Variants in ENOX1 observed in about 807,000 individuals in gnomAD.
The protein encoded by ENOX1 is ecto-NOX disulfide-thiol exchanger 1.
A neutral mutation model predicts 82.5 loss-of-function variants in ENOX1; 42 were observed. That is an observed-to-expected ratio of 0.51 (90% CI 0.40 to 0.66). The LOEUF (loss-of-function observed/expected upper bound fraction) is 0.66. ENOX1 is among the 30% of genes least tolerant of loss of function. ENOX1 has a pLI of 0.00. For missense variants in ENOX1, 608 were observed against 811.6 expected (o/e 0.75, Z 3.05); for synonymous variants, 271 against 282.2 (o/e 0.96, Z 0.40).
At chr13:43,432,355 A>C (rs888822730) in intron 3 of ENOX1, among the ~76,000 whole-genome samples, 5 of 152,208 alleles carry the variant, frequency 3.3e-5, no homozygotes, top group Non-Finnish European at 7.3e-5. Flanking sequence ...AAGAAATAAA[A>C]TCAGGCAGGG....
intron 13 of ENOX1, among the ~76,000 whole-genome samples, chr13:43,268,643 A>C (rs1438523529): frequency 6.6e-6 from 1 of 152,186 alleles, no homozygotes; most frequent in African/African-American, 2.4e-5. Flanking sequence ...CTTTGAAGTT[A>C]TGTATACAGT....
chr13:43,620,485 C>G (rs540977164), intron 2 of ENOX1, among the ~76,000 whole-genome samples: 78 of 152,174 alleles, frequency 5.1e-4, no homozygotes, highest in Non-Finnish European at 7.8e-4. Flanking sequence ...AAATTTCCAT[C>G]TTGATTTTGT....
intron 3 of ENOX1, among the ~76,000 whole-genome samples, chr13:43,455,414 G>A (rs1249789333): frequency 6.6e-6 from 1 of 152,068 alleles, no homozygotes; most frequent in African/African-American, 2.4e-5. Context: ...ATGAGCTAAT[G>A]AGAATCTTTT....
At chr13:43,496,912 G>A (rs890283809) in intron 2 of ENOX1, among the ~76,000 whole-genome samples, 1 of 151,902 alleles carries the variant, frequency 6.6e-6, no homozygotes, top group African/African-American at 2.4e-5. Context: ...ACACTAATAA[G>A]TCCTTATAAT....
intron 2 of ENOX1, among the ~76,000 whole-genome samples, chr13:43,539,903 C>T (rs1209505574): frequency 6.6e-6 from 1 of 151,986 alleles, no homozygotes; most frequent in Non-Finnish European, 1.5e-5. Flanking sequence ...TGTAAAATAT[C>T]CTCTTTGTAT....
At chr13:43,640,386 CTCTGT>C (rs1478380346) in intron 2 of ENOX1, among the ~76,000 whole-genome samples, 1 of 152,062 alleles carries the variant, frequency 6.6e-6, no homozygotes, top group Non-Finnish European at 1.5e-5. Flanking sequence ...TTAAATGTGG[CTCTGT>C]TCTTTTTTAT....
rs1284633061 is a variant in ENOX1 at position 43,344,685 on chromosome 13, G to A, written c.889C>T (p.Arg297Trp). ...LSWIERGEVN[R>W]RSANQFYSMV... ...GAATAGAACTGGTTTGCAGAGCGCCGATTCACTTCCCCTCGTTCAATCCAG... is the reference window on the plus strand; with the variant it reads ...GAATAGAACTGGTTTGCAGAGCGCCAATTCACTTCCCCTCGTTCAATCCAG... Residue 297 changes from arginine (R) to tryptophan (W), a missense_variant, in exon 9 of 17, where the codon CGG becomes TGG. Transcript: ENST00000690772. The A allele has an allele frequency of 5.6e-6, 9 of 1,613,996 alleles. No individual in the cohort carries two copies. Among genetic ancestry groups the A allele is most frequent in the East Asian group, 2.2e-5 (1 of 44,892 alleles).
At chr13:43,376,385 T>C (rs1295988049) in intron 5 of ENOX1, among the ~76,000 whole-genome samples, 3 of 152,206 alleles carry the variant, frequency 2.0e-5, no homozygotes, top group Admixed American at 6.5e-5. Context: ...TCAGTGTCTT[T>C]TCTTGATGTC....
intron 1 of ENOX1, among the ~76,000 whole-genome samples, chr13:43,732,526 A>G (rs865982565): frequency 6.6e-6 from 1 of 152,234 alleles, no homozygotes; most frequent in African/African-American, 2.4e-5. Flanking sequence ...GTGAGCGCCC[A>G]ATCAGCCACC....
intron 2 of ENOX1, among the ~76,000 whole-genome samples, chr13:43,612,926 T>A (rs2082258472): frequency 6.6e-6 from 1 of 152,184 alleles, no homozygotes; most frequent in African/African-American, 2.4e-5. Context: ...CTTTACATTT[T>A]GTAATAAATA....
chr13:43,502,384 C>A (rs2077012397), intron 2 of ENOX1, among the ~76,000 whole-genome samples: 1 of 151,612 alleles, frequency 6.6e-6, no homozygotes, highest in Non-Finnish European at 1.5e-5. Context: ...CACCCCAATA[C>A]AAACCAAGAC....
chr13:43,485,199 T>C (rs2076371653), intron 2 of ENOX1, among the ~76,000 whole-genome samples: 1 of 152,176 alleles, frequency 6.6e-6, no homozygotes, highest in African/African-American at 2.4e-5. Context: ...GTCAGCTATC[T>C]CTATATTTGT....
At chr13:43,769,500 C>A (rs761263409) in intron 1 of ENOX1, among the ~76,000 whole-genome samples, 10 of 152,124 alleles carry the variant, frequency 6.6e-5, no homozygotes, top group African/African-American at 1.4e-4. Context: ...CATAGATGGC[C>A]ATTAGCTCCA....
At chr13:43,351,680 G>A (rs559672190) in intron 8 of ENOX1, among the ~76,000 whole-genome samples, 17 of 147,138 alleles carry the variant, frequency 1.2e-4, no homozygotes, top group Admixed American at 2.1e-4. Flanking sequence ...TGCGGTGTTT[G>A]CTTTTTTGTT....
chr13:43,668,332 G>A (rs2085085841), intron 1 of ENOX1, among the ~76,000 whole-genome samples: 3 of 152,166 alleles, frequency 2.0e-5, no homozygotes, highest in South Asian at 4.1e-4. Flanking sequence ...AGGCCTGTGA[G>A]TGCTAGAATC....
intron 2 of ENOX1, among the ~76,000 whole-genome samples, chr13:43,588,142 T>C (rs761112771): frequency 6.6e-6 from 1 of 152,256 alleles, no homozygotes; most frequent in African/African-American, 2.4e-5. Context: ...AGTATATTTC[T>C]GTTAATTAAC....
At chr13:43,352,989 A>G (rs1045249636) in intron 8 of ENOX1, among the ~76,000 whole-genome samples, 1 of 152,230 alleles carries the variant, frequency 6.6e-6, no homozygotes, top group Non-Finnish European at 1.5e-5. Flanking sequence ...CAAGACACCT[A>G]AACTCTTTGA....
At chr13:43,513,174 T>G (rs1027607976) in intron 2 of ENOX1, among the ~76,000 whole-genome samples, 2 of 152,094 alleles carry the variant, frequency 1.3e-5, no homozygotes, top group Non-Finnish European at 2.9e-5. Context: ...CTGGGTGTGC[T>G]GGTGCAAGTT....
intron 2 of ENOX1, among the ~76,000 whole-genome samples, chr13:43,630,753 C>T (rs938482570): frequency 6.6e-6 from 1 of 151,664 alleles, no homozygotes; most frequent in African/African-American, 2.4e-5. Context: ...CCACATAATA[C>T]TATCTAGCTA....
Sources: allele counts gnomAD v4.1 joint callset (sites outside exome capture counted in the v4.1 genomes callset), GRCh38; gene constraint gnomAD v4.1.1; transcripts MANE v1.5; gene names NCBI Gene and HGNC (gene_info 2026-07-23, HGNC 2026-07-21).